The following VWC2L variants were observed in gnomAD, a reference collection of about 807,000 sequenced individuals.
The protein encoded by VWC2L is von Willebrand factor C domain-containing protein 2-like.
VWC2L carries 10 observed loss-of-function variants against 21.6 expected under a neutral mutation model. The ratio of observed to expected loss-of-function variants is 0.46; its 90% CI spans 0.29 to 0.78. VWC2L has a LOEUF of 0.78. Among genes scored for constraint, VWC2L ranks in the 30% least tolerant of loss-of-function variants. The probability of loss-of-function intolerance (pLI) is 0.10; values close to 1 mark genes in which losing one functional copy is unlikely to be tolerated. For synonymous variants in VWC2L, 96 were observed against 94.3 expected, an observed-to-expected ratio of 1.02 and a Z score of -0.10; for missense variants, 209 against 277.1, an observed-to-expected ratio of 0.75 and a Z score of 1.74.
At chr2:214,557,839 A>G (rs1189309377) in intron 3 of VWC2L, among the ~76,000 whole-genome samples, 2 of 152,112 alleles carry the variant, frequency 1.3e-5, no homozygotes. Flanking sequence ...CTCCCTAGCC[A>G]TTCTCTTTTA....
At chr2:214,470,199 T>C (rs903160117) in intron 3 of VWC2L, among the ~76,000 whole-genome samples, 3 of 150,366 alleles carry the variant, frequency 2.0e-5, no homozygotes, top group Non-Finnish European at 4.4e-5. Context: ...TTGGAAATCA[T>C]TTTTGATAAA....
At chr2:214,485,044 C>A (rs1469095145) in intron 3 of VWC2L, among the ~76,000 whole-genome samples, 2 of 152,158 alleles carry the variant, frequency 1.3e-5, no homozygotes, top group African/African-American at 4.8e-5. Flanking sequence ...TGGCCGGGTG[C>A]AGTGGCTCAT....
chr2:214,418,376 C>A (rs1224095598), intron 2 of VWC2L, among the ~76,000 whole-genome samples: 1 of 152,110 alleles, frequency 6.6e-6, no homozygotes, highest in Non-Finnish European at 1.5e-5. Flanking sequence ...TGTCCAAGAC[C>A]ATACAGCTGG....
chr2:214,441,484 A>C (rs1244299176), intron 3 of VWC2L, among the ~76,000 whole-genome samples: 1 of 152,126 alleles, frequency 6.6e-6, no homozygotes, highest in African/African-American at 2.4e-5. Context: ...ATTGATGATA[A>C]TGTGGGATTG....
At chr2:214,561,611 T>C (rs578089780) in intron 3 of VWC2L, among the ~76,000 whole-genome samples, 229 of 151,672 alleles carry the variant, frequency 1.5e-3, no homozygotes, top group Non-Finnish European at 2.0e-3. Context: ...TTGTCTCTAC[T>C]AAAAATACAA....
At chr2:214,556,018 C>T (rs537067807) in intron 3 of VWC2L, among the ~76,000 whole-genome samples, 1 of 152,276 alleles carries the variant, frequency 6.6e-6, no homozygotes, top group South Asian at 2.1e-4. Context: ...CAAGTGTGTT[C>T]ACCAGCACAC....
intron 3 of VWC2L, among the ~76,000 whole-genome samples, chr2:214,567,186 T>C (rs1015031886): frequency 2.6e-5 from 4 of 152,154 alleles, no homozygotes; most frequent in African/African-American, 4.8e-5. Flanking sequence ...TTAGGCAATA[T>C]GAAGTTGTTT....
chr2:214,444,417 T>C (rs1702808104), intron 3 of VWC2L, among the ~76,000 whole-genome samples: 1 of 151,930 alleles, frequency 6.6e-6, no homozygotes, highest in African/African-American at 2.4e-5. Context: ...AGCCACAAAG[T>C]TTATTAAAAC....
chr2:214,556,540 C>A (rs1289666568), intron 3 of VWC2L, among the ~76,000 whole-genome samples: 1 of 152,050 alleles, frequency 6.6e-6, no homozygotes, highest in African/African-American at 2.4e-5. Context: ...TTACCCCCAC[C>A]CGAAAAAATA....
chr2:214,521,303 C>G (rs973235214), intron 3 of VWC2L, among the ~76,000 whole-genome samples: 6 of 151,746 alleles, frequency 4.0e-5, no homozygotes, highest in Non-Finnish European at 7.4e-5. Flanking sequence ...AGCAAACATG[C>G]TACATAATTT....
At chr2:214,494,088 C>T (rs1202748088) in intron 3 of VWC2L, among the ~76,000 whole-genome samples, 2 of 152,076 alleles carry the variant, frequency 1.3e-5, no homozygotes, top group African/African-American at 4.8e-5. Context: ...ACATCCACTC[C>T]ATTTTGCTAC....
At chr2:214,452,114 A>G (rs929520963) in intron 3 of VWC2L, among the ~76,000 whole-genome samples, 1 of 152,094 alleles carries the variant, frequency 6.6e-6, no homozygotes, top group Non-Finnish European at 1.5e-5. Context: ...TATGCATGGA[A>G]TCATTCAGTA....
intron 3 of VWC2L, among the ~76,000 whole-genome samples, chr2:214,467,455 G>C (rs1022092801): frequency 3.9e-5 from 6 of 152,140 alleles, no homozygotes; most frequent in Non-Finnish European, 7.3e-5. Context: ...CTATGGCCTA[G>C]AAACTTGCAA....
intron 3 of VWC2L, among the ~76,000 whole-genome samples, chr2:214,473,411 G>A (rs528886386): frequency 9.9e-5 from 15 of 152,222 alleles, no homozygotes; most frequent in African/African-American, 2.9e-4. Flanking sequence ...TGGCTGGCTC[G>A]CTTCCAAGTT....
chr2:214,570,209 G>C (rs1690129903), intron 3 of VWC2L, among the ~76,000 whole-genome samples: 1 of 152,126 alleles, frequency 6.6e-6, no homozygotes, highest in African/African-American at 2.4e-5. Flanking sequence ...GCTCTCCACA[G>C]CCACCTCACC....
intron 3 of VWC2L, among the ~76,000 whole-genome samples, chr2:214,520,082 C>CACAT (rs1689210491): frequency 6.6e-6 from 1 of 151,766 alleles, no homozygotes; most frequent in African/African-American, 2.4e-5. Flanking sequence ...CACACACACA[C>CACAT]ACACACACTT....
intron 3 of VWC2L, among the ~76,000 whole-genome samples, chr2:214,554,452 T>C (rs1251831726): frequency 2.6e-5 from 4 of 151,980 alleles, no homozygotes; most frequent in African/African-American, 9.7e-5. Flanking sequence ...TCACCTGAAG[T>C]CAGGAGTTCA....
chr2:214,545,122 A>C (rs1334509901), intron 3 of VWC2L, among the ~76,000 whole-genome samples: 1 of 152,210 alleles, frequency 6.6e-6, no homozygotes, highest in Non-Finnish European at 1.5e-5. Flanking sequence ...GAAAAGCAAT[A>C]TGATGCATAT....
At chr2:214,516,768 T>G (rs1342016773) in intron 3 of VWC2L, among the ~76,000 whole-genome samples, 1 of 152,166 alleles carries the variant, frequency 6.6e-6, no homozygotes, top group African/African-American at 2.4e-5. Context: ...TTTAAGAGCT[T>G]TGAGGCATGT....
Sources: gnomAD v4.1 joint callset for allele counts (sites outside exome capture counted in the v4.1 genomes callset) on GRCh38, gnomAD v4.1.1 for gene constraint, MANE v1.5 for transcripts, NCBI Gene and HGNC (gene_info 2026-07-23, HGNC 2026-07-21) for gene names.